SELENOF: variants seen among roughly 807,000 people sequenced by gnomAD.
The protein encoded by SELENOF is selenoprotein F, also known as 15 kDa selenoprotein.
In SELENOF, 16 loss-of-function variants were observed where a neutral mutation model predicts 20.5. That is an observed-to-expected ratio of 0.78 (90% CI 0.53 to 1.19). The LOEUF is 1.19. Among genes scored for constraint, SELENOF ranks in the 50% most tolerant of loss-of-function variants. The pLI is 0.00. For synonymous variants in SELENOF, 78 were observed against 74.5 expected (o/e 1.05, Z -0.24); for missense variants, 215 against 194.2 (o/e 1.11, Z -0.64).
At position 86,914,043 on chromosome 1, in the gene SELENOF, C is replaced by A; in HGVS notation, c.69G>T (p.Ala23=). ...CTACACTCACCGCTTGAAGCACAGT[C>A]GCCAACAACAACCGTAGCCCAAACG... ...VPAFGLRLLL[A]TVLQAVSAFG... is the part of the protein sequence containing the mutation. Residue 23 remains alanine, a synonymous_variant, in exon 1 of 5, where the codon GCG becomes GCT. Coordinates refer to ENST00000331835, the MANE Select transcript of SELENOF (RefSeq NM_004261.5). 6.2e-7 allele frequency: 1 copy of A among 1,613,922 alleles called. No homozygotes were observed. The highest frequency in any genetic ancestry group is 1.6e-4 in the Middle Eastern group (1 of 6,062).
chr1:86,870,236 T>C (rs1408454068), intron 3 of SELENOF, among the ~76,000 whole-genome samples: 2 of 152,244 alleles, frequency 1.3e-5, no homozygotes, highest in African/African-American at 2.4e-5. Flanking sequence ...ATTTGCTTCA[T>C]TGTGAACGTC....
At chr1:86,878,378 A>G (rs1252015112) in intron 3 of SELENOF, among the ~76,000 whole-genome samples, 1 of 152,218 alleles carries the variant, frequency 6.6e-6, no homozygotes, top group African/African-American at 2.4e-5. Flanking sequence ...CTTGATGTTG[A>G]AGATAAAGAA....
intron 2 of SELENOF, among the ~76,000 whole-genome samples, chr1:86,889,095 G>A (rs1659312764): frequency 6.6e-6 from 1 of 151,710 alleles, no homozygotes; most frequent in South Asian, 2.1e-4. Flanking sequence ...TAATCCAAGA[G>A]TTTCAATATT....
At chr1:86,894,963 C>T (rs1659482398) in intron 2 of SELENOF, among the ~76,000 whole-genome samples, 1 of 152,192 alleles carries the variant, frequency 6.6e-6, no homozygotes, top group South Asian at 2.1e-4. Context: ...TGCAATCTTT[C>T]ATACATTTTC....
intron 2 of SELENOF, among the ~76,000 whole-genome samples, chr1:86,896,694 G>C (rs1180593467): frequency 6.6e-6 from 1 of 152,178 alleles, no homozygotes; most frequent in Non-Finnish European, 1.5e-5. Flanking sequence ...TGGCATCCTT[G>C]TAAGTAAAAT....
chr1:86,890,752 C>T (rs1356807348), intron 2 of SELENOF, among the ~76,000 whole-genome samples: 2 of 151,560 alleles, frequency 1.3e-5, no homozygotes, highest in Admixed American at 6.6e-5. Flanking sequence ...GTGATCCTCT[C>T]GCCTTCGTCT....
At chr1:86,867,962 T>TG (rs1203733122) in intron 4 of SELENOF, 91 bp downstream of exon 4, 7 of 530,856 alleles carry the variant, frequency 1.3e-5, no homozygotes, top group African/African-American at 2.0e-5. Context: ...CACATGTTTA[T>TG]GGGGGAAACC....
intron 2 of SELENOF, among the ~76,000 whole-genome samples, chr1:86,882,864 G>A (rs891492105): frequency 3.3e-5 from 5 of 152,156 alleles, no homozygotes; most frequent in Non-Finnish European, 7.3e-5. Context: ...AGTGGCTCAC[G>A]CCTGTAATTC....
intron 4 of SELENOF, among the ~76,000 whole-genome samples, chr1:86,865,240 A>G (rs1044085404): frequency 6.6e-6 from 1 of 151,180 alleles, no homozygotes; most frequent in Non-Finnish European, 1.5e-5. Context: ...AAACAAACAA[A>G]AAACCTCAAT....
chr1:86,898,583 T>C (rs529430014), intron 2 of SELENOF, among the ~76,000 whole-genome samples: 148 of 146,268 alleles, frequency 1.0e-3, no homozygotes, highest in Admixed American at 2.2e-3. Context: ...TCTTCTTCTT[T>C]TTTTTTTTTT....
chr1:86,871,846 T>C (rs564752363), intron 3 of SELENOF, among the ~76,000 whole-genome samples: 1 of 152,336 alleles, frequency 6.6e-6, no homozygotes, highest in African/African-American at 2.4e-5. Flanking sequence ...GATCACATTG[T>C]AATCACCTCA....
chr1:86,889,068 C>A (rs17417765), intron 2 of SELENOF, among the ~76,000 whole-genome samples: 1 of 151,454 alleles, frequency 6.6e-6, no homozygotes, highest in African/African-American at 2.4e-5. Flanking sequence ...TAAAAAGATA[C>A]AAAAATAAAG....
At chr1:86,866,230 C>CTG (rs60714256) in intron 4 of SELENOF, among the ~76,000 whole-genome samples, 5,948 of 113,548 alleles carry the variant, frequency 0.052, 200 homozygotes, top group African/African-American at 0.087. Flanking sequence ...GTGTGTGTCT[C>CTG]TGTGTGTGTG....
chr1:86,884,193 T>A (rs1288444277), intron 2 of SELENOF, among the ~76,000 whole-genome samples: 1 of 152,096 alleles, frequency 6.6e-6, no homozygotes, highest in Admixed American at 6.6e-5. Flanking sequence ...ATGACAAAAC[T>A]TCAAAAATAT....
intron 4 of SELENOF, among the ~76,000 whole-genome samples, chr1:86,864,202 A>G (rs780729852): frequency 4.3e-4 from 65 of 152,178 alleles, no homozygotes; most frequent in Non-Finnish European, 8.1e-4. Context: ...TGGATCATAC[A>G]TTTTTCTTGG....
intron 2 of SELENOF, among the ~76,000 whole-genome samples, chr1:86,884,544 A>T (rs563105042): frequency 3.9e-5 from 6 of 152,348 alleles, no homozygotes; most frequent in Admixed American, 2.6e-4. Context: ...ACAAATTCAC[A>T]CACAATGAAA....
intron 3 of SELENOF, among the ~76,000 whole-genome samples, chr1:86,879,368 C>T (rs1245801025): frequency 2.6e-5 from 4 of 152,116 alleles, no homozygotes; most frequent in South Asian, 2.1e-4. Context: ...ATCTTCTTTG[C>T]TACATCAGAA....
At chr1:86,866,232 G>C (rs2753279) in intron 4 of SELENOF, among the ~76,000 whole-genome samples, 1,545 of 95,712 alleles carry the variant, frequency 0.016, 22 homozygotes, top group African/African-American at 0.059. Flanking sequence ...GTGTGTCTCT[G>C]TGTGTGTGTG....
intron 2 of SELENOF, among the ~76,000 whole-genome samples, chr1:86,897,097 G>A (rs184001577): frequency 8.5e-5 from 13 of 152,266 alleles, no homozygotes; most frequent in Admixed American, 8.5e-4. Flanking sequence ...CCTGAGGTCA[G>A]GAGTTTGAGA....
Sources: gnomAD v4.1 joint callset for allele counts (sites outside exome capture counted in the v4.1 genomes callset) on GRCh38, gnomAD v4.1.1 for gene constraint, MANE v1.5 for transcripts, NCBI Gene and HGNC (gene_info 2026-07-23, HGNC 2026-07-21) for gene names.